IFT43: variants seen among roughly 807,000 people sequenced by gnomAD.
IFT43 encodes intraflagellar transport protein 43 homolog.
A neutral mutation model predicts 32.3 loss-of-function variants in IFT43; 33 were observed. The observed-to-expected ratio is 1.02, with a 90% CI of 0.77 to 1.37. IFT43 has a LOEUF of 1.37. IFT43 is among the 40% of genes most tolerant of loss of function. The pLI, the probability that IFT43 is intolerant of heterozygous loss-of-function variation, is 0.00. For synonymous variants in IFT43, 93 were observed against 98.2 expected (o/e 0.95, Z 0.31); for missense variants, 274 against 265.9 (o/e 1.03, Z -0.21).
chr14:76,023,633 A>G (rs2139960971), intron 3 of IFT43, among the ~76,000 whole-genome samples: 1 of 152,358 alleles, frequency 6.6e-6, no homozygotes, highest in African/African-American at 2.4e-5. Flanking sequence ...TTCTGTCCTC[A>G]TAGATAGGCT....
intron 5 of IFT43, among the ~76,000 whole-genome samples, chr14:76,079,965 G>GA (rs946713154): frequency 2.7e-5 from 4 of 149,490 alleles, no homozygotes; most frequent in East Asian, 1.9e-4. Flanking sequence ...GAGATAAAAA[G>GA]AAAAAAAAAA....
At chr14:76,000,318 G>A (rs1008963080) in intron 2 of IFT43, among the ~76,000 whole-genome samples, 4 of 141,488 alleles carry the variant, frequency 2.8e-5, no homozygotes, top group African/African-American at 1.1e-4. Flanking sequence ...AAGCTGGAGT[G>A]CAGTGGCACA....
intron 3 of IFT43, among the ~76,000 whole-genome samples, chr14:76,047,838 G>A (rs987139409): frequency 5.9e-5 from 9 of 151,966 alleles, no homozygotes; most frequent in African/African-American, 2.2e-4. Flanking sequence ...GGACTGCGTG[G>A]GGGTTGTCAG....
chr14:76,000,431 A>ATT (rs530537491), intron 2 of IFT43, among the ~76,000 whole-genome samples: 5 of 143,930 alleles, frequency 3.5e-5, no homozygotes, highest in African/African-American at 1.3e-4. Flanking sequence ...CGCCAGGCTA[A>ATT]TTTTTTTTTT....
chr14:76,044,196 C>T (rs1002505920), intron 3 of IFT43, among the ~76,000 whole-genome samples: 6 of 151,944 alleles, frequency 3.9e-5, no homozygotes, highest in African/African-American at 1.2e-4. Flanking sequence ...TGTACCACCA[C>T]GCCCAGCTAA....
intron 1 of IFT43, chr14:75,986,403 C>CA (rs2035528584): frequency 3.3e-5 from 19 of 575,834 alleles, no homozygotes; most frequent in Non-Finnish European, 2.6e-5. Flanking sequence ...ATTAGGTGCT[C>CA]AGGCACTGAG....
rs202182087 is a variant in IFT43, at chr14:76,082,364, C to T, written c.365C>T (p.Pro122Leu). Residue 122 changes from proline (P) to leucine (L), a missense_variant, in exon 6 of 9, where the codon CCC (proline) becomes CTC (leucine). Transcript: ENST00000314067. ...TTTGTTTTGCAGGTGGCAGCCCCTC[C>T]CAGGTAGGTTAAATCAGATATGATT... ...EDFVLQVAAP[P>L]SIQIKRVMTY... 49 of 1,593,788 alleles carry T rather than the reference C, an allele frequency of 3.1e-5. No homozygotes were observed. The Middle Eastern group carries it at 6.6e-4, about 21-fold the overall frequency.
intron 4 of IFT43, 46 bp from the exon 5 acceptor site, chr14:76,059,281 T>C (rs775834749): frequency 1.1e-5 from 18 of 1,613,718 alleles, no homozygotes; most frequent in Non-Finnish European, 1.4e-5. Context: ...CCTTTCCGTG[T>C]TTGAAACTCA....
chr14:75,999,281 A>ATATATATATATATTTTTT (rs1566699821), intron 2 of IFT43, among the ~76,000 whole-genome samples: 1 of 39,064 alleles, frequency 2.6e-5, no homozygotes, highest in African/African-American at 1.2e-4. Flanking sequence ...ATGTATATAT[A>ATATATATATATATTTTTT]TTTTTTTTTT....
chr14:76,080,016 G>C (rs1412236516), intron 5 of IFT43, among the ~76,000 whole-genome samples: 2 of 152,190 alleles, frequency 1.3e-5, no homozygotes, highest in Non-Finnish European at 2.9e-5. Flanking sequence ...ACTTGCCTGT[G>C]ATTGTAAATC....
At chr14:76,061,350 A>G (rs945563741) in intron 5 of IFT43, among the ~76,000 whole-genome samples, 2 of 152,108 alleles carry the variant, frequency 1.3e-5, no homozygotes, top group African/African-American at 4.8e-5. Flanking sequence ...TCCTACTTGA[A>G]CTTCTTCAGT....
intron 2 of IFT43, among the ~76,000 whole-genome samples, chr14:76,015,242 G>A (rs2036164002): frequency 6.6e-6 from 1 of 152,100 alleles, no homozygotes; most frequent in South Asian, 2.1e-4. Context: ...CTAATCCTTG[G>A]ACTCAGAGAA....
At chr14:76,013,074 A>G (rs1034815047) in intron 2 of IFT43, among the ~76,000 whole-genome samples, 3 of 151,834 alleles carry the variant, frequency 2.0e-5, no homozygotes, top group Admixed American at 1.3e-4. Flanking sequence ...GTCAAGGAGG[A>G]CTCTTGAGTT....
At chr14:76,000,402 C>A (rs187046958) in intron 2 of IFT43, among the ~76,000 whole-genome samples, 1,552 of 151,264 alleles carry the variant, frequency 0.01, 29 homozygotes, top group African/African-American at 0.035. Flanking sequence ...GTAGCTAGGA[C>A]TACAGGCGCC....
chr14:76,013,293 G>A (rs1318216142), intron 2 of IFT43, among the ~76,000 whole-genome samples: 1 of 152,192 alleles, frequency 6.6e-6, no homozygotes, highest in Non-Finnish European at 1.5e-5. Flanking sequence ...TGGTCCAAAT[G>A]GAAAGATGTG....
chr14:76,016,665 T>TA (rs1354841379), intron 2 of IFT43, among the ~76,000 whole-genome samples: 1 of 152,178 alleles, frequency 6.6e-6, no homozygotes, highest in Admixed American at 6.5e-5. Flanking sequence ...ATTCTAACAA[T>TA]ATTAATTCTT....
At chr14:76,066,476 G>T (rs2037226119) in intron 5 of IFT43, among the ~76,000 whole-genome samples, 1 of 152,192 alleles carries the variant, frequency 6.6e-6, no homozygotes, top group Non-Finnish European at 1.5e-5. Context: ...TGAATGTTTA[G>T]AATCCATTAT....
intron 3 of IFT43, among the ~76,000 whole-genome samples, chr14:76,025,857 C>T (rs552461453): frequency 2.0e-5 from 3 of 152,120 alleles, no homozygotes; most frequent in African/African-American, 7.2e-5. Context: ...TGGAAGACAA[C>T]CTAGGCAATA....
intron 7 of IFT43, 81 bp from the exon 8 acceptor site, chr14:76,083,146 A>G: frequency 6.6e-7 from 1 of 1,511,992 alleles, no homozygotes; most frequent in South Asian, 1.1e-5. Flanking sequence ...ACACACAAAA[A>G]CTGATCCCGG....
Sources: gnomAD v4.1 joint callset for allele counts (sites outside exome capture counted in the v4.1 genomes callset) on GRCh38, gnomAD v4.1.1 for gene constraint, MANE v1.5 for transcripts, NCBI Gene and HGNC (gene_info 2026-07-23, HGNC 2026-07-21) for gene names.